The following N4BP2 variants were observed in gnomAD, a reference collection of about 807,000 sequenced individuals.
N4BP2 encodes NEDD4 binding protein 2.
N4BP2 carries 91 observed loss-of-function variants against 152.8 expected under a neutral mutation model. The ratio of observed to expected loss-of-function variants is 0.60; its 90% confidence interval spans 0.50 to 0.71. The LOEUF is 0.71. Ranked by LOEUF, N4BP2 falls within the 30% of genes least tolerant of loss-of-function variation. N4BP2 has a pLI of 0.00. For synonymous variants in N4BP2, 646 were observed against 705.3 expected, an observed-to-expected ratio of 0.92 and a Z score of 1.33; for missense variants, 1,923 against 2,059.1, an observed-to-expected ratio of 0.93 and a Z score of 1.28.
the N4BP2 span, among the ~76,000 whole-genome samples, chr4:40,175,277 C>T: frequency 2.0e-3 from 306 of 149,426 alleles, 2 homozygotes; most frequent in African/African-American, 7.1e-3. Context: ...TGTGCGTCAG[C>T]TTCCCAAAGT....
In N4BP2 at chr4:40,120,719, G is replaced by T. The variant is rs1327599512; in HGVS notation, c.2608G>T (p.Ala870Ser). ...GCCACTCAATAGCTATAAATATGAT[G>T]CTTATAAAAATATTGACAAAAACTC... ...SEPLNSYKYD[A>S]YKNIDKNSFN... is the part of the protein sequence containing the mutation. Residue 870 changes from alanine (A) to serine (S), a missense_variant, in exon 9 of 18, where the codon GCT becomes TCT. By Grantham distance (99) the Ala-to-Ser change is moderately conservative. Coordinates refer to ENST00000261435, the MANE Select transcript of N4BP2 (RefSeq NM_018177.6). 6.2e-7 allele frequency: 1 copy of T among 1,614,048 alleles called. No homozygotes were observed.
the N4BP2 span, among the ~76,000 whole-genome samples, chr4:40,179,787 G>C: frequency 7.4e-6 from 1 of 134,926 alleles, no homozygotes; most frequent in East Asian, 2.1e-4. Context: ...TTTTTGAGAC[G>C]GAGTTTCACT....
Position 40,102,664 on chromosome 4 carries a change from G to A in N4BP2, c.819G>A (p.Glu273=), listed in dbSNP as rs780573571. Residue 273 remains glutamate, a synonymous_variant, in exon 4 of 18, where the codon GAG becomes GAA. Transcript: ENST00000261435. ...AACAGAAAGAACTTTTAGAATCTGA[G>A]TGCGTTGAGGCTCAATTCTCTGAAG... The part of the protein sequence containing the change: ...NQKQKELLES[E]CVEAQFSEAP... The A allele has an allele frequency of 1.2e-6, 2 of 1,614,154 alleles. No individual in the cohort carries two copies. Among genetic ancestry groups the A allele is most frequent in the Non-Finnish European group, 1.7e-6 (2 of 1,180,050 alleles).
intron 8 of N4BP2, 58 bp downstream of exon 8, chr4:40,118,082 T>G: frequency 7.3e-7 from 1 of 1,374,156 alleles, no homozygotes; most frequent in Non-Finnish European, 9.7e-7. Flanking sequence ...TTAAAAGGTA[T>G]AATTTTGGAG....
chr4:40,127,074 A>G (rs1398323861), intron 12 of N4BP2, among the ~76,000 whole-genome samples: 2 of 151,776 alleles, frequency 1.3e-5, no homozygotes, highest in African/African-American at 4.8e-5. Flanking sequence ...TGAATTTATT[A>G]TAGAGACAGT....
chr4:40,185,886 C>T, the N4BP2 span, among the ~76,000 whole-genome samples: 1 of 152,158 alleles, frequency 6.6e-6, no homozygotes, highest in Non-Finnish European at 1.5e-5. Context: ...TCCTTGACTG[C>T]ACTTGTCACA....
chr4:40,142,891 T>C (rs771157300), intron 15 of N4BP2, 30 bp downstream of exon 15: 33 of 1,593,086 alleles, frequency 2.1e-5, no homozygotes, highest in Admixed American at 3.4e-5. Flanking sequence ...ATATATTTTT[T>C]GTCAGTTATA....
At chr4:40,085,476 A>T (rs1287837530) in intron 2 of N4BP2, among the ~76,000 whole-genome samples, 1 of 152,160 alleles carries the variant, frequency 6.6e-6, no homozygotes, top group Non-Finnish European at 1.5e-5. Context: ...TTTTCTTAAG[A>T]GATGGGGTCT....
chr4:40,170,486 G>A, the N4BP2 span, among the ~76,000 whole-genome samples: 2 of 152,158 alleles, frequency 1.3e-5, no homozygotes, highest in Non-Finnish European at 2.9e-5. Flanking sequence ...GGGTGTGGTG[G>A]TGCGTGCCTT....
intron 1 of N4BP2, among the ~76,000 whole-genome samples, chr4:40,059,371 G>A (rs894126102): frequency 6.6e-6 from 1 of 151,788 alleles, no homozygotes; most frequent in Non-Finnish European, 1.5e-5. Context: ...TTTAAGAAGA[G>A]ATTGAGCATT....
intron 2 of N4BP2, among the ~76,000 whole-genome samples, chr4:40,074,397 T>G (rs1230597285): frequency 3.5e-5 from 4 of 113,944 alleles, no homozygotes; most frequent in African/African-American, 1.2e-4. Flanking sequence ...GGCCCAGAGA[T>G]GGCGTTTTGT....
At chr4:40,150,444 A>ATAC (rs1721045071) in intron 16 of N4BP2, among the ~76,000 whole-genome samples, 1 of 152,186 alleles carries the variant, frequency 6.6e-6, no homozygotes, top group Non-Finnish European at 1.5e-5. Flanking sequence ...AGGCAGTCAG[A>ATAC]TCACTTGAGG....
chr4:40,124,013 A>G (rs1718169913), intron 10 of N4BP2, 147 bp from the exon 11 acceptor site: 1 of 456,618 alleles, frequency 2.2e-6, no homozygotes, highest in Admixed American at 3.4e-5. Flanking sequence ...TTTATTATCT[A>G]ACTTTATTGT....
intron 16 of N4BP2, among the ~76,000 whole-genome samples, chr4:40,147,441 C>T (rs76923324): frequency 0.18 from 27,180 of 151,970 alleles, 3,052 homozygotes; most frequent in Admixed American, 0.26. Flanking sequence ...ACCTCCCAGA[C>T]GGGGTGGTGG....
chr4:40,069,155 C>T (rs965342731), intron 1 of N4BP2, among the ~76,000 whole-genome samples: 3 of 150,470 alleles, frequency 2.0e-5, no homozygotes, highest in East Asian at 2.0e-4. Context: ...AAAAAATTCC[C>T]AGCCGGGCAC....
At chr4:40,088,406 A>G (rs1455071164) in intron 2 of N4BP2, among the ~76,000 whole-genome samples, 2 of 152,056 alleles carry the variant, frequency 1.3e-5, no homozygotes, top group African/African-American at 4.8e-5. Context: ...ATCAGCAACC[A>G]TAAGTGATGT....
In N4BP2 at chr4:40,141,889, C is replaced by G. The variant is rs372473996; in HGVS notation, c.4786-784C>G. 5.5e-3 allele frequency among the ~76,000 whole-genome samples: 835 copies of G among 152,326 alleles called. 55 individuals carry two copies. The East Asian group carries it at 0.14, about 26-fold the overall frequency. The stretch of plus-strand genomic sequence containing the variant: ...TCACTCGCGGTTAGGAGCTGGAGAC[C>G]AGCCCGGCCAACACAGCGAAACCCC... On this transcript the variant is annotated intron_variant, in intron 14 of 17. Transcript: ENST00000261435.
intron 8 of N4BP2, among the ~76,000 whole-genome samples, chr4:40,119,678 A>G (rs1481396184): frequency 6.6e-6 from 1 of 152,186 alleles, no homozygotes; most frequent in Non-Finnish European, 1.5e-5. Context: ...CATATGTACT[A>G]TTCAATTAAA....
chr4:40,057,364 C>T (rs1416116239), intron 1 of N4BP2, among the ~76,000 whole-genome samples: 1 of 152,234 alleles, frequency 6.6e-6, no homozygotes, highest in Admixed American at 6.5e-5. Context: ...TCTCGACCCC[C>T]CGAGGTTTCC....
Sources: allele counts gnomAD v4.1 joint callset (sites outside exome capture counted in the v4.1 genomes callset), GRCh38; gene constraint gnomAD v4.1.1; transcripts MANE v1.5; gene names NCBI Gene and HGNC (gene_info 2026-07-23, HGNC 2026-07-21).